The following MAPK4 variants were observed in gnomAD, a reference collection of about 807,000 sequenced individuals.
MAPK4 encodes the protein mitogen-activated protein kinase 4.
Under a neutral mutation model 47.7 loss-of-function variants are expected in MAPK4, and 22 were observed. The observed-to-expected ratio is 0.46, with a 90% CI of 0.33 to 0.66. The LOEUF is 0.66. Among genes scored for constraint, MAPK4 ranks in the 30% least tolerant of loss-of-function variants. MAPK4 has a pLI of 0.02. For synonymous variants in MAPK4, 390 were observed against 365.7 expected (o/e 1.07, Z -0.76); for missense variants, 736 against 831.7 (o/e 0.88, Z 1.42).
intron 2 of MAPK4, among the ~76,000 whole-genome samples, chr18:50,675,287 C>G (rs569482871): frequency 1.3e-5 from 2 of 152,140 alleles, no homozygotes; most frequent in African/African-American, 4.8e-5. Context: ...TCCTGACTGC[C>G]CTTTCATTGA....
chr18:50,670,636 A>G (rs1018073866), intron 2 of MAPK4, among the ~76,000 whole-genome samples: 1 of 151,760 alleles, frequency 6.6e-6, no homozygotes, highest in Admixed American at 6.6e-5. Flanking sequence ...GTGTGCCTGT[A>G]GTTTCAGCTA....
chr18:50,634,257 T>C (rs775528976), intron 1 of MAPK4, among the ~76,000 whole-genome samples: 1 of 151,886 alleles, frequency 6.6e-6, no homozygotes, highest in Non-Finnish European at 1.5e-5. Flanking sequence ...TTAATTCAAG[T>C]GTTGTTTGCC....
intron 1 of MAPK4, among the ~76,000 whole-genome samples, chr18:50,658,362 G>C (rs879366572): frequency 6.6e-6 from 1 of 152,172 alleles, no homozygotes; most frequent in Non-Finnish European, 1.5e-5. Flanking sequence ...ATACTATGGC[G>C]ATTAGAGCGT....
intron 2 of MAPK4, among the ~76,000 whole-genome samples, chr18:50,685,856 C>A (rs935701031): frequency 2.0e-5 from 3 of 152,238 alleles, no homozygotes; most frequent in East Asian, 1.9e-4. Context: ...CTCTCTGGAG[C>A]ATGCTGTTTT....
intron 1 of MAPK4, among the ~76,000 whole-genome samples, chr18:50,613,286 C>T (rs990124502): frequency 7.2e-5 from 11 of 152,136 alleles, no homozygotes; most frequent in South Asian, 2.1e-4. Context: ...AGCACACAGC[C>T]GTGTGTGAGA....
intron 1 of MAPK4, among the ~76,000 whole-genome samples, chr18:50,602,176 C>T (rs986692499): frequency 1.3e-5 from 2 of 152,192 alleles, no homozygotes; most frequent in African/African-American, 4.8e-5. Context: ...CGCAGATCTT[C>T]CCAGAGAGTC....
At chr18:50,697,034 G>A (rs1909551603) in intron 2 of MAPK4, among the ~76,000 whole-genome samples, 1 of 151,978 alleles carries the variant, frequency 6.6e-6, no homozygotes, top group South Asian at 2.1e-4. Flanking sequence ...CATCCCCTCG[G>A]AACTCATTAC....
At chr18:50,619,418 A>G (rs1024195525) in intron 1 of MAPK4, among the ~76,000 whole-genome samples, 1 of 152,202 alleles carries the variant, frequency 6.6e-6, no homozygotes, top group Non-Finnish European at 1.5e-5. Flanking sequence ...GACCCAAGTG[A>G]TCCTCCAACC....
At chr18:50,588,008 G>A (rs1007458214) in intron 1 of MAPK4, among the ~76,000 whole-genome samples, 2 of 152,068 alleles carry the variant, frequency 1.3e-5, no homozygotes, top group African/African-American at 4.8e-5. Flanking sequence ...TGGGATTACA[G>A]GCATGAGCTA....
intron 2 of MAPK4, among the ~76,000 whole-genome samples, chr18:50,688,905 A>AAG (rs1909045814): frequency 6.6e-6 from 1 of 151,166 alleles, no homozygotes; most frequent in Admixed American, 6.6e-5. Flanking sequence ...AAAAAAAAAA[A>AAG]AAAAAGAAAG....
chr18:50,669,591 C>G (rs1907803190), intron 2 of MAPK4: 1 of 152,284 alleles, frequency 6.6e-6, no homozygotes, highest in Non-Finnish European at 1.5e-5. Flanking sequence ...AACTCCTGAT[C>G]CAGTAACCTT....
intron 4 of MAPK4, 65 bp downstream of exon 4, chr18:50,722,164 T>C: frequency 6.5e-7 from 1 of 1,546,540 alleles, no homozygotes; most frequent in South Asian, 1.2e-5. Context: ...CCTTGCGGGG[T>C]AGGGGGCAGG....
rs1218433969 is a variant in MAPK4, at chr18:50,611,380, A to G, written c.-871+51137A>G. ...TCATGAGCCCAATAACGTGCAACTTATCATGTTTTAAAAAATTAAGGTGGA... is the reference window on the plus strand; with the variant it reads ...TCATGAGCCCAATAACGTGCAACTTGTCATGTTTTAAAAAATTAAGGTGGA... On this transcript the variant is annotated intron_variant, in intron 1 of 5. Coordinates refer to ENST00000400384, the MANE Select transcript of MAPK4 (RefSeq NM_002747.4). Among the ~76,000 whole-genome samples the G allele has an allele frequency of 2.6e-5, 4 of 152,216 alleles. No homozygotes were observed. The South Asian group carries it at 6.2e-4, about 24-fold the overall frequency.
chr18:50,601,131 A>T (rs1025684), intron 1 of MAPK4, among the ~76,000 whole-genome samples: 5 of 150,736 alleles, frequency 3.3e-5, no homozygotes, highest in Non-Finnish European at 7.4e-5. Flanking sequence ...GAAGAAGAAG[A>T]CAGAGAGAGA....
chr18:50,667,796 G>C (rs764501235), intron 2 of MAPK4, among the ~76,000 whole-genome samples: 1 of 152,100 alleles, frequency 6.6e-6, no homozygotes, highest in Non-Finnish European at 1.5e-5. Flanking sequence ...CAAAACCTTG[G>C]GGATTTCTCC....
chr18:50,713,939 G>A (rs1237088048), intron 2 of MAPK4, among the ~76,000 whole-genome samples: 2 of 152,192 alleles, frequency 1.3e-5, no homozygotes, highest in African/African-American at 4.8e-5. Flanking sequence ...CCACAGAGGG[G>A]AGGAAACTGC....
At chr18:50,571,125 G>A (rs1255096500) in intron 1 of MAPK4, among the ~76,000 whole-genome samples, 2 of 152,132 alleles carry the variant, frequency 1.3e-5, no homozygotes. Flanking sequence ...CCCTGTCTTA[G>A]GGGGAGGTAT....
chr18:50,716,207 C>T (rs1432486582), intron 3 of MAPK4, among the ~76,000 whole-genome samples: 8 of 152,242 alleles, frequency 5.3e-5, no homozygotes, highest in South Asian at 4.1e-4. Flanking sequence ...GCATGGTTCA[C>T]GCCCCCTCCA....
intron 3 of MAPK4, among the ~76,000 whole-genome samples, chr18:50,717,283 G>A (rs1187838723): frequency 6.6e-6 from 1 of 152,186 alleles, no homozygotes; most frequent in East Asian, 1.9e-4. Flanking sequence ...GGAGCTGAGT[G>A]TCCAGGGAAT....
Sources: allele counts gnomAD v4.1 joint callset (sites outside exome capture counted in the v4.1 genomes callset), GRCh38; gene constraint gnomAD v4.1.1; transcripts MANE v1.5; gene names NCBI Gene and HGNC (gene_info 2026-07-23, HGNC 2026-07-21).